Variants in CDKAL1 observed in about 807,000 individuals in gnomAD.
CDKAL1 encodes CDKAL1 threonylcarbamoyladenosine tRNA methylthiotransferase.
CDKAL1 carries 32 observed loss-of-function variants against 68.2 expected under a neutral mutation model. That is an observed-to-expected ratio of 0.47 (90% confidence interval 0.35 to 0.63). CDKAL1 has a LOEUF of 0.63. Ranked by LOEUF, CDKAL1 falls within the 30% of genes least tolerant of loss-of-function variation. The pLI is 0.00. For missense variants in CDKAL1, 606 were observed against 696.7 expected (o/e 0.87, Z 1.47); for synonymous variants, 234 against 244.3 (o/e 0.96, Z 0.39).
chr6:20,939,061 A>G (rs1763856406), intron 9 of CDKAL1, among the ~76,000 whole-genome samples: 1 of 152,128 alleles, frequency 6.6e-6, no homozygotes, highest in African/African-American at 2.4e-5. Context: ...AATATTCACT[A>G]GATGCTTAAT....
At chr6:21,036,611 T>G (rs1050132129) in intron 11 of CDKAL1, among the ~76,000 whole-genome samples, 2 of 152,208 alleles carry the variant, frequency 1.3e-5, no homozygotes, top group African/African-American at 4.8e-5. Flanking sequence ...TTAATTTACT[T>G]AAGTCTTTTT....
chr6:21,230,993 C>T lies in CDKAL1; in HGVS notation c.1694C>T (p.Ala565Val). The change falls in exon 16 of 16, where the codon GCT becomes GTT. Residue 565 changes from alanine to valine, a missense_variant. Coordinates refer to ENST00000274695, the MANE Select transcript of CDKAL1 (RefSeq NM_017774.3). ...GCGCTGAGGATGTCCGTGGGCTTGG[C>T]TCTGCTGGGTCTTCTTTTTGCTTTT... Reference protein sequence around the residue: ...DCALRMSVGLALLGLLFAFFV... With the variant: ...DCALRMSVGLVLLGLLFAFFV... The T allele has an allele frequency of 1.9e-6, 3 of 1,612,098 alleles. No individual in the cohort carries two copies. The highest frequency in any genetic ancestry group is 2.5e-6 in the Non-Finnish European group (3 of 1,178,528).
At chr6:21,008,820 CAA>C (rs1767866614) in intron 11 of CDKAL1, among the ~76,000 whole-genome samples, 2 of 152,262 alleles carry the variant, frequency 1.3e-5, no homozygotes, top group East Asian at 1.9e-4. Flanking sequence ...CTGGAACTAA[CAA>C]GAGTAAGGCT....
chr6:20,864,166 T>C (rs1759784148), intron 9 of CDKAL1, among the ~76,000 whole-genome samples: 1 of 152,222 alleles, frequency 6.6e-6, no homozygotes. Flanking sequence ...AGTAATGCTG[T>C]CACATGAAAA....
intron 13 of CDKAL1, among the ~76,000 whole-genome samples, chr6:21,140,900 G>A (rs1218125898): frequency 1.3e-5 from 2 of 152,164 alleles, no homozygotes; most frequent in African/African-American, 4.8e-5. Context: ...GAGGCAAAAG[G>A]CACTTCTTAC....
At chr6:20,940,584 T>G (rs1312624147) in intron 9 of CDKAL1, among the ~76,000 whole-genome samples, 2 of 152,162 alleles carry the variant, frequency 1.3e-5, no homozygotes, top group Admixed American at 6.5e-5. Context: ...AGATGGAGCC[T>G]CTCTCTTTTG....
At chr6:21,160,641 A>ACG (rs1776876367) in intron 13 of CDKAL1, among the ~76,000 whole-genome samples, 1 of 74,860 alleles carries the variant, frequency 1.3e-5, no homozygotes, top group Non-Finnish European at 2.9e-5. Context: ...ACACAGACAC[A>ACG]CACACACACA....
Position 20,703,225 on chromosome 6 carries a change from CA to C in CDKAL1, c.372-36291del, listed in dbSNP as rs527306165. ...GCTTGGCAAACAATGGCCCTCAGGA[CA>C]AATCTAGCCTGTTGCCTGTTTTTAT... On this transcript the variant is annotated intron_variant, in intron 5 of 15. Transcript: ENST00000274695. Among the ~76,000 whole-genome samples the C allele has an allele frequency of 1.2e-4, 18 of 152,232 alleles. No individual in the cohort carries two copies. The South Asian group carries it at 1.5e-3, about 12-fold the overall frequency.
At chr6:21,129,412 A>T (rs1191752276) in intron 13 of CDKAL1, among the ~76,000 whole-genome samples, 3 of 152,170 alleles carry the variant, frequency 2.0e-5, no homozygotes, top group Non-Finnish European at 4.4e-5. Flanking sequence ...TTTTTAAAAC[A>T]AGTCCATTTT....
In CDKAL1 at chr6:21,226,668, G is replaced by C. The variant is rs542840680; in HGVS notation, c.1549-4180G>C. Among the ~76,000 whole-genome samples, 7 of 152,304 alleles carry C rather than the reference G, an allele frequency of 4.6e-5. No homozygotes were observed. The South Asian group carries it at 1.2e-3, about 27-fold the overall frequency. Reference sequence around the variant, plus strand: ...GAATTTGAGTTCTTAAAAATTGTCTGAGTTGATGTTCCAGCTTGTTTTTTT... The same window carrying C: ...GAATTTGAGTTCTTAAAAATTGTCTCAGTTGATGTTCCAGCTTGTTTTTTT... On this transcript the variant is annotated intron_variant, in intron 15 of 15. Coordinates refer to ENST00000274695, the MANE Select transcript of CDKAL1 (RefSeq NM_017774.3).
intron 4 of CDKAL1, among the ~76,000 whole-genome samples, chr6:20,596,771 C>T (rs923178356): frequency 6.6e-6 from 1 of 152,184 alleles, no homozygotes; most frequent in Non-Finnish European, 1.5e-5. Context: ...GTGGTTGAAA[C>T]CCAGGGCCCT....
chr6:20,800,311 C>T (rs1776314178), intron 8 of CDKAL1, among the ~76,000 whole-genome samples: 1 of 152,142 alleles, frequency 6.6e-6, no homozygotes, highest in African/African-American at 2.4e-5. Context: ...GGATGAAACT[C>T]AATTATGCAG....
At chr6:20,983,454 C>T (rs1047206356) in intron 10 of CDKAL1, among the ~76,000 whole-genome samples, 6 of 152,178 alleles carry the variant, frequency 3.9e-5, no homozygotes, top group African/African-American at 1.4e-4. Context: ...GGTGCAGTGG[C>T]TCACGCCTGT....
At chr6:20,858,324 CT>C (rs34865786) in intron 9 of CDKAL1, among the ~76,000 whole-genome samples, 27,391 of 149,746 alleles carry the variant, frequency 0.18, 2,716 homozygotes, top group Middle Eastern at 0.28. Context: ...TCTGTATTGA[CT>C]TTTTTTTTTC....
Position 20,901,699 on chromosome 6 carries a change from A to G in CDKAL1, c.743-53720A>G, listed in dbSNP as rs79060351. On this transcript the variant is annotated intron_variant, in intron 9 of 15. Transcript: ENST00000274695. ...CCATCTGGAAAAAAAAAAAAAAAAAAAAAAGAAAAGAAACACAGTTTTTCC... is the reference window on the plus strand; with the variant it reads ...CCATCTGGAAAAAAAAAAAAAAAAAGAAAAGAAAAGAAACACAGTTTTTCC... Among the ~76,000 whole-genome samples, 242 of 75,970 alleles carry G rather than the reference A, an allele frequency of 3.2e-3. 2 individuals carry two copies. Among genetic ancestry groups the G allele is most frequent in the Admixed American group, 7.1e-3 (38 of 5,340 alleles). The allele number at this position is 75,970 out of a possible 152,430, so 49.8% of individuals were successfully genotyped here. A position where few individuals can be genotyped will look rare whatever the true frequency, so the allele number is the denominator to read the frequency against.
chr6:20,974,703 G>A (rs1728946291), intron 10 of CDKAL1, among the ~76,000 whole-genome samples: 1 of 151,822 alleles, frequency 6.6e-6, no homozygotes, highest in Admixed American at 6.6e-5. Flanking sequence ...TTTGGGCCAG[G>A]TGCAGTGACT....
chr6:21,126,469 C>T (rs1775019450), intron 13 of CDKAL1, among the ~76,000 whole-genome samples: 1 of 152,118 alleles, frequency 6.6e-6, no homozygotes, highest in Non-Finnish European at 1.5e-5. Flanking sequence ...TTATCGTTAC[C>T]CATTCCCATC....
intron 10 of CDKAL1, among the ~76,000 whole-genome samples, chr6:20,987,537 G>A (rs748276397): frequency 4.6e-5 from 7 of 152,106 alleles, no homozygotes; most frequent in Non-Finnish European, 8.8e-5. Context: ...GGTTATAAGC[G>A]TGAGACACCG....
chr6:20,767,605 A>G (rs1473875577), intron 7 of CDKAL1, among the ~76,000 whole-genome samples: 1 of 152,162 alleles, frequency 6.6e-6, no homozygotes, highest in Non-Finnish European at 1.5e-5. Context: ...TTTTTCTTGA[A>G]AAATTGTATT....
Sources: gnomAD v4.1 joint callset for allele counts (sites outside exome capture counted in the v4.1 genomes callset) on GRCh38, gnomAD v4.1.1 for gene constraint, MANE v1.5 for transcripts, NCBI Gene and HGNC (gene_info 2026-07-23, HGNC 2026-07-21) for gene names.